The following ABCC9 variants were observed in gnomAD, a reference collection of about 807,000 sequenced individuals.
ABCC9 encodes ATP binding cassette subfamily C member 9, also known as ATP-binding cassette sub-family C member 9.
A neutral mutation model predicts 188.3 loss-of-function variants in ABCC9; 95 were observed. The observed-to-expected ratio is 0.50, with a 90% CI of 0.43 to 0.60. The LOEUF is 0.60. Among genes scored for constraint, ABCC9 ranks in the 20% least tolerant of loss-of-function variants. The pLI is 0.00. For missense variants in ABCC9, 1,102 were observed against 1,876.3 expected (o/e 0.59, Z 7.62); for synonymous variants, 659 against 652.7 (o/e 1.01, Z -0.15).
intron 14 of ABCC9, among the ~76,000 whole-genome samples, chr12:21,892,212 A>C (rs1199149431): frequency 6.6e-6 from 1 of 152,148 alleles, no homozygotes. Flanking sequence ...ACTAGGATTT[A>C]TTACCACGGA....
intron 39 of ABCC9, chr12:21,805,040 T>A: frequency 3.0e-6 from 4 of 1,335,170 alleles, no homozygotes; most frequent in Non-Finnish European, 4.3e-6. Flanking sequence ...GCTGATTTTG[T>A]AATAACACCC....
At chr12:21,902,857 G>C (rs954545593) in intron 12 of ABCC9, among the ~76,000 whole-genome samples, 3 of 152,112 alleles carry the variant, frequency 2.0e-5, no homozygotes, top group African/African-American at 4.8e-5. Context: ...AATTCTACCA[G>C]AGGTACAAGG....
At chr12:21,910,589 A>G (rs1025605497) in intron 9 of ABCC9, among the ~76,000 whole-genome samples, 1 of 151,968 alleles carries the variant, frequency 6.6e-6, no homozygotes, top group African/African-American at 2.4e-5. Flanking sequence ...ACAGAAAGAG[A>G]TAAATAAATG....
Position 21,897,773 on chromosome 12 carries a change from A to G in ABCC9, c.1619-2458T>C, listed in dbSNP as rs571347715. 6.6e-5 allele frequency among the ~76,000 whole-genome samples: 10 copies of G among 152,314 alleles called. No homozygotes were observed. The East Asian group carries it at 9.7e-4, about 15-fold the overall frequency. ...TCAAGAATCCCAGCTGCCTATCAAG[A>G]ACACAGGATAATGTATTTTCCCCCT... is the stretch of plus-strand genomic sequence containing the variant. On this transcript the variant is annotated intron_variant, in intron 12 of 39. Coordinates refer to ENST00000261200, the MANE Select transcript of ABCC9 (RefSeq NM_020297.4).
At chr12:21,862,552 C>A (rs1458254448) in intron 20 of ABCC9, among the ~76,000 whole-genome samples, 1 of 150,972 alleles carries the variant, frequency 6.6e-6, no homozygotes, top group African/African-American at 2.4e-5. Flanking sequence ...TCTGGCTGTT[C>A]CCAGTCACCA....
intron 29 of ABCC9, among the ~76,000 whole-genome samples, chr12:21,841,561 G>A (rs1020255856): frequency 1.3e-5 from 2 of 151,598 alleles, no homozygotes; most frequent in Non-Finnish European, 2.9e-5. Context: ...GTTTCACCAT[G>A]TTGGTCAGGC....
At position 21,917,117 on chromosome 12, in the gene ABCC9, G is replaced by A. The variant is rs201279882; in HGVS notation, c.407-14C>T. The A allele has an allele frequency of 1.2e-6, 2 of 1,612,412 alleles. No individual in the cohort carries two copies. Among genetic ancestry groups the A allele is most frequent in the East Asian group, 2.2e-5 (1 of 44,834 alleles). On this transcript the variant is annotated splice_polypyrimidine_tract_variant and intron_variant, in intron 5 of 39. Coordinates refer to ENST00000261200, the MANE Select transcript of ABCC9 (RefSeq NM_020297.4). ...ACAGGAACAGGGCTGAAAAGAAAAA[G>A]ACAAAAAGAGAAAGATGCAATCTTT...
rs61211269 is a variant in ABCC9, at chr12:21,834,786, T to TACACACACAC, written c.3566+3282_3566+3291dup. On this transcript the variant is annotated intron_variant, in intron 30 of 39. Coordinates refer to ENST00000261200, the MANE Select transcript of ABCC9 (RefSeq NM_020297.4). Reference sequence around the variant, plus strand: ...TATACATATAGCATATATAACATTATACACACACACACACACACACACACA... The same window carrying TACACACACAC: ...TATACATATAGCATATATAACATTATACACACACACACACACACACACACACACACACACA... Among the ~76,000 whole-genome samples the TACACACACAC allele has an allele frequency of 3.7e-3, 518 of 141,584 alleles. 5 individuals are homozygous for TACACACACAC. Among genetic ancestry groups the TACACACACAC allele is most frequent in the Non-Finnish European group, 5.3e-3 (345 of 64,872 alleles). 92.9% of individuals were successfully genotyped at this position (141,584 alleles called of 152,430 possible). A position where few individuals can be genotyped will look rare whatever the true frequency, so the allele number is the denominator to read the frequency against.
intron 17 of ABCC9, among the ~76,000 whole-genome samples, chr12:21,874,852 T>C (rs1278332018): frequency 6.6e-6 from 1 of 151,974 alleles, no homozygotes; most frequent in Non-Finnish European, 1.5e-5. Flanking sequence ...TTTTAGACAC[T>C]TCTTCTCACA....
At chr12:21,883,014 T>TA (rs529653011) in intron 15 of ABCC9, 141 bp from the exon 16 acceptor site, 887 of 666,332 alleles carry the variant, frequency 1.3e-3, no homozygotes, top group Non-Finnish European at 1.5e-3. Flanking sequence ...GACTCCTTCA[T>TA]AAAAAAAAAT....
chr12:21,897,109 C>G (rs1947466872), intron 12 of ABCC9, among the ~76,000 whole-genome samples: 1 of 152,128 alleles, frequency 6.6e-6, no homozygotes, highest in Admixed American at 6.6e-5. Context: ...TTAATAATTG[C>G]TATTCTGACT....
At chr12:21,866,662 A>C (rs1463625353) in intron 18 of ABCC9, among the ~76,000 whole-genome samples, 2 of 152,200 alleles carry the variant, frequency 1.3e-5, no homozygotes, top group Non-Finnish European at 2.9e-5. Flanking sequence ...AATAAATGCA[A>C]GGGTCACGGA....
intron 30 of ABCC9, chr12:21,831,021 C>G: frequency 8.1e-6 from 1 of 123,902 alleles, no homozygotes; most frequent in Admixed American, 8.3e-5. Context: ...TATCATCAAT[C>G]TATCATCTCT....
intron 31 of ABCC9, among the ~76,000 whole-genome samples, chr12:21,821,139 T>A (rs1049554719): frequency 6.6e-6 from 1 of 152,120 alleles, no homozygotes; most frequent in African/African-American, 2.4e-5. Context: ...GACTTTTCTT[T>A]TAGGATTTGT....
At chr12:21,859,386 G>A (rs546220180) in intron 22 of ABCC9, among the ~76,000 whole-genome samples, 200 bp downstream of exon 22, 1 of 152,138 alleles carries the variant, frequency 6.6e-6, no homozygotes, top group East Asian at 1.9e-4. Context: ...ACACCAATCT[G>A]GATCCTCCCA....
intron 2 of ABCC9, among the ~76,000 whole-genome samples, chr12:21,938,946 C>G (rs1260597831): frequency 6.6e-6 from 1 of 152,148 alleles, no homozygotes; most frequent in African/African-American, 2.4e-5. Flanking sequence ...AACTAATGAA[C>G]TGTAAAAACA....
Position 21,797,766 on chromosome 12 carries a change from A to G in ABCC9, c.*3278T>C, listed in dbSNP as rs992553541. Reference sequence around the variant, plus strand: ...AGAGTACAAAAATAGATGGTGCATAATTGTTTATACAAAGTCTTTTCCCTG... The same window carrying G: ...AGAGTACAAAAATAGATGGTGCATAGTTGTTTATACAAAGTCTTTTCCCTG... On this transcript the variant is annotated 3_prime_UTR_variant, in exon 40 of 40. Transcript: ENST00000261200. 5.3e-5 allele frequency: 8 copies of G among 152,334 alleles called. 1 individual carries two copies. Among genetic ancestry groups the G allele is most frequent in the East Asian group, 1.9e-4 (1 of 5,192 alleles). 9.4% of individuals were successfully genotyped at this position (152,334 alleles called of 1,614,324 possible). A position where few individuals can be genotyped will look rare whatever the true frequency, so the allele number is the denominator to read the frequency against.
chr12:21,852,060 A>T (rs199860467), intron 24 of ABCC9, 37 bp downstream of exon 24: 1 of 1,612,442 alleles, frequency 6.2e-7, no homozygotes, highest in Non-Finnish European at 8.5e-7. Flanking sequence ...ACTCTTCTGA[A>T]TTGGGCTCTG....
chr12:21,903,683 G>A (rs1206092190), intron 12 of ABCC9, among the ~76,000 whole-genome samples: 2 of 152,170 alleles, frequency 1.3e-5, no homozygotes, highest in African/African-American at 2.4e-5. Context: ...ATTCACAATT[G>A]CTACAAAGAG....
Sources: allele counts gnomAD v4.1 joint callset (sites outside exome capture counted in the v4.1 genomes callset), GRCh38; gene constraint gnomAD v4.1.1; transcripts MANE v1.5; gene names NCBI Gene and HGNC (gene_info 2026-07-23, HGNC 2026-07-21).